PAK1: variants seen among roughly 807,000 people sequenced by gnomAD.
PAK1 encodes the protein p21 (RAC1) activated kinase 1.
A neutral mutation model predicts 67.4 loss-of-function variants in PAK1; 29 were observed. That is an observed-to-expected ratio of 0.43 (90% CI 0.32 to 0.59). PAK1 has a LOEUF of 0.59. Ranked by LOEUF, PAK1 falls within the 20% of genes least tolerant of loss-of-function variation. The pLI is 0.07. For missense variants in PAK1, 337 were observed against 670.7 expected (o/e 0.50, Z 5.50); for synonymous variants, 223 against 237.4 (o/e 0.94, Z 0.56).
At chr11:77,499,920 T>C in the PAK1 span, among the ~76,000 whole-genome samples, 1 of 152,134 alleles carries the variant, frequency 6.6e-6, no homozygotes, top group Non-Finnish European at 1.5e-5. Context: ...ACTCACCTGA[T>C]AAATCCACCA....
intron 1 of PAK1, among the ~76,000 whole-genome samples, chr11:77,420,167 A>T (rs1401693753): frequency 6.6e-6 from 1 of 152,176 alleles, no homozygotes; most frequent in Admixed American, 6.5e-5. Context: ...AGAAGGAGTA[A>T]ATTTTTCATA....
intron 1 of PAK1, among the ~76,000 whole-genome samples, chr11:77,427,500 C>T (rs1212504187): frequency 1.3e-5 from 2 of 152,096 alleles, no homozygotes; most frequent in Non-Finnish European, 2.9e-5. Flanking sequence ...GACTCCAAAC[C>T]CTTTCTTGTA....
chr11:77,460,484 A>G lies in PAK1; in HGVS notation c.-22+13068T>C, dbSNP rs531346079. On this transcript the variant is annotated intron_variant, in intron 1 of 14. Coordinates refer to ENST00000356341, the MANE Select transcript of PAK1 (RefSeq NM_002576.5). ...GTAGAAGTTGTAAATAGCTATTTTA[A>G]AAAGACTAGCTTTGAAGGAAAGCAG... Among the ~76,000 whole-genome samples, 4 of 152,182 alleles carry G rather than the reference A, an allele frequency of 2.6e-5. No individual in the cohort carries two copies. In the South Asian group the frequency reaches 8.3e-4, roughly 32 times the overall value.
chr11:77,467,630 A>G (rs763963094), intron 1 of PAK1, among the ~76,000 whole-genome samples: 3 of 152,354 alleles, frequency 2.0e-5, no homozygotes, highest in Non-Finnish European at 2.9e-5. Context: ...TTACATCTTC[A>G]CAAGTAATTC....
At chr11:77,372,034 ACT>A (rs1484718508) in intron 5 of PAK1, among the ~76,000 whole-genome samples, 6 of 152,074 alleles carry the variant, frequency 3.9e-5, no homozygotes, top group Admixed American at 6.6e-5. Context: ...TCTTCAGGAA[ACT>A]CTGTTTTTCT....
At chr11:77,324,295 C>T (rs769580070) in intron 14 of PAK1, among the ~76,000 whole-genome samples, 19 of 151,296 alleles carry the variant, frequency 1.3e-4, no homozygotes, top group Non-Finnish European at 2.4e-4. Flanking sequence ...GCCTCAACCT[C>T]CCGAATAGCT....
the PAK1 span, among the ~76,000 whole-genome samples, chr11:77,480,830 T>C: frequency 1.3e-5 from 2 of 152,186 alleles, no homozygotes; most frequent in Admixed American, 1.3e-4. Flanking sequence ...AGCCTAAATA[T>C]TTTTTGAAAT....
intron 5 of PAK1, among the ~76,000 whole-genome samples, chr11:77,362,863 T>C (rs577417452): frequency 1.8e-4 from 27 of 152,220 alleles, no homozygotes; most frequent in African/African-American, 6.5e-4. Flanking sequence ...GGGAACAGGA[T>C]TGTGAAGGAA....
chr11:77,369,085 T>C (rs1301186794), intron 5 of PAK1, among the ~76,000 whole-genome samples: 1 of 152,242 alleles, frequency 6.6e-6, no homozygotes, highest in African/African-American at 2.4e-5. Context: ...CTGAAGATAC[T>C]GCTGTTTTTT....
intron 8 of PAK1, among the ~76,000 whole-genome samples, chr11:77,352,566 T>C (rs561837043): frequency 3.9e-5 from 6 of 152,314 alleles, no homozygotes; most frequent in Middle Eastern, 3.4e-3. Flanking sequence ...AAGTCTACAG[T>C]AGCGTACACA....
At chr11:77,526,114 G>C in the PAK1 span, among the ~76,000 whole-genome samples, 1 of 152,134 alleles carries the variant, frequency 6.6e-6, no homozygotes, top group African/African-American at 2.4e-5. Context: ...AAAACAGCAG[G>C]CAGCCTATTA....
intron 11 of PAK1, among the ~76,000 whole-genome samples, chr11:77,340,275 T>A (rs1943388867): frequency 6.6e-6 from 1 of 152,032 alleles, no homozygotes; most frequent in South Asian, 2.1e-4. Flanking sequence ...TTATAGCACA[T>A]AAATAAAGCA....
At chr11:77,348,672 A>C (rs1944788717) in intron 9 of PAK1, among the ~76,000 whole-genome samples, 1 of 152,216 alleles carries the variant, frequency 6.6e-6, no homozygotes, top group Non-Finnish European at 1.5e-5. Flanking sequence ...ACTTGTAAGT[A>C]ATGTTCACAT....
the PAK1 span, among the ~76,000 whole-genome samples, chr11:77,496,577 G>C: frequency 6.6e-6 from 1 of 151,842 alleles, no homozygotes; most frequent in African/African-American, 2.4e-5. Context: ...GTGAGCCACT[G>C]CTCTCCAGCC....
chr11:77,366,839 C>CTTGGTAT, intron 5 of PAK1, among the ~76,000 whole-genome samples: 1 of 152,316 alleles, frequency 6.6e-6, no homozygotes, highest in South Asian at 2.1e-4. Context: ...CCAGCAGTTC[C>CTTGGTAT]ATTCCTTGGT....
chr11:77,467,676 C>T (rs189225571), intron 1 of PAK1, among the ~76,000 whole-genome samples: 94 of 152,256 alleles, frequency 6.2e-4, no homozygotes, highest in Non-Finnish European at 1.2e-3. Flanking sequence ...CTGCTACACA[C>T]AATCATAGTC....
chr11:77,336,434 T>C, intron 12 of PAK1, 152 bp from the exon 13 acceptor site: 1 of 524,338 alleles, frequency 1.9e-6, no homozygotes, highest in Non-Finnish European at 3.4e-6. Context: ...ACTACCACCT[T>C]CATGTCTAGC....
At chr11:77,474,625 C>T (rs1417725759), upstream of PAK1, 2 of 152,124 alleles carry the variant, frequency 1.3e-5, no homozygotes, top group African/African-American at 4.8e-5. Flanking sequence ...GAAAACTATC[C>T]GATGTCGTGT....
chr11:77,459,887 G>A (rs1342779190), intron 1 of PAK1, among the ~76,000 whole-genome samples: 1 of 151,848 alleles, frequency 6.6e-6, no homozygotes, highest in Non-Finnish European at 1.5e-5. Flanking sequence ...TAGTAGAGAC[G>A]GGGTTTCACC....
Sources: gnomAD v4.1 joint callset for allele counts (sites outside exome capture counted in the v4.1 genomes callset) on GRCh38, gnomAD v4.1.1 for gene constraint, MANE v1.5 for transcripts, NCBI Gene and HGNC (gene_info 2026-07-23, HGNC 2026-07-21) for gene names.